Variants in SCLT1 observed in about 807,000 individuals in gnomAD.
SCLT1 encodes sodium channel and clathrin linker 1.
A neutral mutation model predicts 112.8 loss-of-function variants in SCLT1; 78 were observed. The ratio of observed to expected loss-of-function variants is 0.69; its 90% CI spans 0.58 to 0.83. The LOEUF (loss-of-function observed/expected upper bound fraction) is 0.83. Among genes scored for constraint, SCLT1 ranks in the 40% least tolerant of loss-of-function variants. The pLI, the probability that SCLT1 is intolerant of heterozygous loss-of-function variation, is 0.00. For synonymous variants in SCLT1, 257 were observed against 254.7 expected, an observed-to-expected ratio of 1.01 and a Z score of -0.09; for missense variants, 747 against 770.4, an observed-to-expected ratio of 0.97 and a Z score of 0.36.
chr4:128,928,673 A>G (rs1736496441), intron 18 of SCLT1, among the ~76,000 whole-genome samples: 1 of 152,074 alleles, frequency 6.6e-6, no homozygotes, highest in African/African-American at 2.4e-5. Flanking sequence ...CTCTACTAAA[A>G]ATACAAAAAC....
At chr4:128,873,861 C>T (rs1732382666) in intron 5 of SCLT1, 1 of 152,562 alleles carries the variant, frequency 6.6e-6, no homozygotes, top group Non-Finnish European at 1.5e-5. Context: ...TGATTGTCAA[C>T]AACAAAAAAG....
intron 5 of SCLT1, among the ~76,000 whole-genome samples, chr4:129,018,681 C>T (rs1388917352): frequency 6.6e-6 from 1 of 152,144 alleles, no homozygotes; most frequent in East Asian, 1.9e-4. Context: ...AAAGTAAAGA[C>T]CTTGGCATTA....
chr4:128,946,631 T>C (rs1738190841), intron 15 of SCLT1, among the ~76,000 whole-genome samples: 2 of 152,210 alleles, frequency 1.3e-5, no homozygotes, highest in African/African-American at 2.4e-5. Context: ...TATGCAATAA[T>C]ACAAAAATGT....
At chr4:128,905,214 C>T (rs1488147308) in intron 18 of SCLT1, among the ~76,000 whole-genome samples, 3 of 152,184 alleles carry the variant, frequency 2.0e-5, no homozygotes, top group Middle Eastern at 3.2e-3. Context: ...CCTGGCTGCT[C>T]AAGTCAAAAG....
intron 5 of SCLT1, among the ~76,000 whole-genome samples, chr4:129,005,760 C>G: frequency 6.7e-6 from 1 of 150,130 alleles, no homozygotes; most frequent in Non-Finnish European, 1.5e-5. Flanking sequence ...AGACTTGGAA[C>G]CAACCCAAAT....
intron 5 of SCLT1, among the ~76,000 whole-genome samples, chr4:129,033,919 A>G (rs1326913027): frequency 2.0e-5 from 3 of 152,186 alleles, no homozygotes; most frequent in African/African-American, 7.2e-5. Flanking sequence ...TTAAAAATAG[A>G]TATTTAAAAC....
intron 20 of SCLT1, among the ~76,000 whole-genome samples, chr4:128,887,263 C>A (rs963253588): frequency 1.3e-5 from 2 of 152,032 alleles, no homozygotes; most frequent in African/African-American, 4.8e-5. Context: ...AATTAGCTAA[C>A]CCATTAGTTA....
intron 5 of SCLT1, among the ~76,000 whole-genome samples, chr4:129,028,972 G>A (rs533706109): frequency 6.5e-4 from 99 of 152,166 alleles, no homozygotes; most frequent in African/African-American, 2.2e-3. Context: ...CAAAACCACA[G>A]TGAGATACCA....
In SCLT1 at chr4:128,970,593, A is replaced by G. The variant is rs898713409; in HGVS notation, c.687-125T>C. 13 of 624,698 alleles carry G rather than the reference A, an allele frequency of 2.1e-5. No individual in the cohort carries two copies. The Admixed American group carries it at 3.8e-4, about 18-fold the overall frequency. 38.7% of individuals were successfully genotyped at this position (624,698 alleles called of 1,614,324 possible). ...TGTTTATCTAAAATGGATCCATGGA[A>G]TAAATTTTGGAAGATTCCTTTATTA... On this transcript the variant is annotated intron_variant, in intron 9 of 20. Transcript: ENST00000281142.
chr4:129,003,479 T>C (rs1456855958), intron 6 of SCLT1, among the ~76,000 whole-genome samples: 6 of 150,598 alleles, frequency 4.0e-5, no homozygotes, highest in African/African-American at 1.5e-4. Flanking sequence ...AAAAATATTC[T>C]CATAAGAAAA....
chr4:128,970,321 C>CA (rs911713750), intron 10 of SCLT1, 57 bp downstream of exon 10: 51 of 972,022 alleles, frequency 5.2e-5, no homozygotes, highest in Non-Finnish European at 7.9e-5. Context: ...AATAAATCAA[C>CA]AAAATAGAAA....
rs72924187 is a variant in SCLT1 at position 129,042,586 on chromosome 4, C to T, written c.234+809G>A. 1.6e-4 allele frequency among the ~76,000 whole-genome samples: 25 copies of T among 152,222 alleles called. 1 individual carries two copies. The South Asian group carries it at 5.2e-3, about 32-fold the overall frequency. On this transcript the variant is annotated intron_variant, in intron 4 of 20. Coordinates refer to ENST00000281142, the MANE Select transcript of SCLT1 (RefSeq NM_144643.4). ...TAAGAGATTCTTCTAAGCACCTAAGCAATATCTCATGCAAGATAGCAAGAG... is the reference window on the plus strand; with the variant it reads ...TAAGAGATTCTTCTAAGCACCTAAGTAATATCTCATGCAAGATAGCAAGAG...
Position 129,085,421 on chromosome 4 carries a change from T to G in SCLT1, c.35-3048A>C, listed in dbSNP as rs145562088. On this transcript the variant is annotated intron_variant, in intron 1 of 20. Coordinates refer to ENST00000281142, the MANE Select transcript of SCLT1 (RefSeq NM_144643.4). ...ACATTTATACATTTTGGTGGGAATG[T>G]AAATTAGTTCAACCATTGTGGAAGA... 1.6e-3 allele frequency among the ~76,000 whole-genome samples: 249 copies of G among 152,304 alleles called. 2 individuals are homozygous for G. Among genetic ancestry groups the G allele is most frequent in the East Asian group, 0.014 (71 of 5,178 alleles).
intron 5 of SCLT1, chr4:129,036,747 T>C (rs1266552083): frequency 2.0e-5 from 3 of 151,958 alleles, no homozygotes; most frequent in East Asian, 3.9e-4. Flanking sequence ...ATTCCGTGGG[T>C]GTGCTATGTA....
At chr4:129,030,342 G>A (rs1180688324) in intron 5 of SCLT1, among the ~76,000 whole-genome samples, 2 of 152,166 alleles carry the variant, frequency 1.3e-5, no homozygotes, top group Non-Finnish European at 2.9e-5. Flanking sequence ...AGCACTAAAT[G>A]CCCACATCAG....
chr4:129,048,621 T>A (rs1360250462), intron 2 of SCLT1, among the ~76,000 whole-genome samples: 2 of 151,714 alleles, frequency 1.3e-5, no homozygotes, highest in East Asian at 3.9e-4. Flanking sequence ...AAGACAAAAT[T>A]GACAAATGGG....
At chr4:128,901,981 A>C (rs375145387) in intron 18 of SCLT1, among the ~76,000 whole-genome samples, 7 of 152,116 alleles carry the variant, frequency 4.6e-5, no homozygotes, top group African/African-American at 1.7e-4. Context: ...CAGTGGTACA[A>C]TCATGGCTCA....
chr4:128,950,116 A>T (rs1476458042), intron 14 of SCLT1, among the ~76,000 whole-genome samples: 1 of 152,154 alleles, frequency 6.6e-6, no homozygotes, highest in Non-Finnish European at 1.5e-5. Flanking sequence ...TGCAACATTA[A>T]TATTCCACAT....
intron 14 of SCLT1, 147 bp from the exon 15 acceptor site, chr4:128,948,717 A>G (rs1018263284): frequency 4.1e-5 from 25 of 605,756 alleles, no homozygotes; most frequent in Non-Finnish European, 6.2e-5. Context: ...ACAAAACTCA[A>G]TATTTGAAGA....
Sources: gnomAD v4.1 joint callset for allele counts (sites outside exome capture counted in the v4.1 genomes callset) on GRCh38, gnomAD v4.1.1 for gene constraint, MANE v1.5 for transcripts, NCBI Gene and HGNC (gene_info 2026-07-23, HGNC 2026-07-21) for gene names.